AQP6: variants seen among roughly 807,000 people sequenced by gnomAD.
AQP6 encodes the protein aquaporin 6, also known as aquaporin-6.
AQP6 carries 14 observed loss-of-function variants against 16.3 expected under a neutral mutation model. The observed-to-expected ratio is 0.86, with a 90% CI of 0.57 to 1.34. The LOEUF (loss-of-function observed/expected upper bound fraction) is 1.34. AQP6 is among the 40% of genes most tolerant of loss of function. AQP6 has a pLI of 0.00. For missense variants in AQP6, 331 were observed against 379.7 expected (o/e 0.87, Z 1.07); for synonymous variants, 178 against 166.8 (o/e 1.07, Z -0.52).
Position 49,973,280 on chromosome 12 carries a change from T to C in AQP6, c.107T>C (p.Leu36Pro), listed in dbSNP as rs770782793. Residue 36 changes from leucine (L) to proline (P), a missense_variant, in exon 1 of 4, where the codon CTG (leucine) becomes CCG (proline). Physicochemically the swap from Leu to Pro is moderately conservative, Grantham distance 98. Coordinates refer to ENST00000315520, the MANE Select transcript of AQP6 (RefSeq NM_001652.4). Reference sequence around the variant, plus strand: ...TTTGCAGAGTTCCTGGCCACGGGGCTGTATGTGTTCTTTGGCGTGGGCTCA... The same window carrying C: ...TTTGCAGAGTTCCTGGCCACGGGGCCGTATGTGTTCTTTGGCGTGGGCTCA... ...ALFAEFLATGLYVFFGVGSVM... is the reference protein window; with the variant it reads ...ALFAEFLATGPYVFFGVGSVM... 9 of 1,613,820 alleles carry C rather than the reference T, an allele frequency of 5.6e-6. No homozygotes were observed. The highest frequency in any genetic ancestry group is 7.6e-6 in the Non-Finnish European group (9 of 1,180,042).
At position 49,975,344 on chromosome 12, in the gene AQP6, T is replaced by A; in HGVS notation, c.643-121T>A. ...ACTCGTGGTTCTCAAATTTAGCACC[T>A]TACAGACAGTTGAGGGAGACCTGGG... is the stretch of plus-strand genomic sequence containing the variant. On this transcript the variant is annotated intron_variant, in intron 3 of 3. Coordinates refer to ENST00000315520, the MANE Select transcript of AQP6 (RefSeq NM_001652.4). This position sits in a 1 kb window ranked among gnomAD's most constrained non-coding sequence, Gnocchi z 4.4. 6.7e-7 allele frequency: 1 copy of A among 1,486,646 alleles called. No homozygotes were observed. The highest frequency in any genetic ancestry group is 8.9e-7 in the Non-Finnish European group (1 of 1,125,150). 92.1% of individuals were successfully genotyped at this position (1,486,646 alleles called of 1,614,324 possible). A position where few individuals can be genotyped will look rare whatever the true frequency, so the allele number is the denominator to read the frequency against.
Position 49,976,752 on chromosome 12 carries a change from C to T in AQP6, c.*1081C>T, listed in dbSNP as rs1029718290. ...CAGCCCACTCTCAGGCAGGAACAAT[C>T]CTCAGAGGGGAAGTGCCCATCTAGC... On this transcript the variant is annotated 3_prime_UTR_variant, in exon 4 of 4. Coordinates refer to ENST00000315520, the MANE Select transcript of AQP6 (RefSeq NM_001652.4). 3.7e-6 allele frequency: 2 copies of T among 540,234 alleles called. No homozygotes were observed. The highest frequency in any genetic ancestry group is 6.9e-5 in the Admixed American group (2 of 29,056). The allele number at this position is 540,234 out of a possible 1,614,324, so 33.5% of individuals were successfully genotyped here.
At chr12:49,974,651 G>A in intron 2 of AQP6, 95 bp from the exon 3 acceptor site, 1 of 1,507,408 alleles carries the variant, frequency 6.6e-7, no homozygotes, top group Non-Finnish European at 9.1e-7. Context: ...AGAGGCCGTG[G>A]CTGGGGCTAA....
chr12:49,974,425 A>G lies in AQP6; in HGVS notation c.504A>G (p.Thr168=). Residue 168 remains threonine, a synonymous_variant, in exon 2 of 4, where the codon ACA becomes ACG. Transcript: ENST00000315520. ...CVFASTDSRQ[T]SGSPATMIGI... ...TCGCTTCCACCGACAGCCGTCAGAC[A>G]TCAGGCTCCCCGGCCACCATGATTG... The G allele has an allele frequency of 1.2e-6, 2 of 1,613,698 alleles. No individual in the cohort carries two copies. The highest frequency in any genetic ancestry group is 1.7e-6 in the Non-Finnish European group (2 of 1,179,746).
rs1398574092 is a variant in AQP6, at chr12:49,973,006, G to T, written c.-168G>T. The stretch of plus-strand genomic sequence containing the variant: ...CCAGTCTGACCAGCACAGTCCTGGG[G>T]ACAGGAGCGTGGTGGAGGAGCTGCA... On this transcript the variant is annotated 5_prime_UTR_variant, in exon 1 of 4. Transcript: ENST00000315520. 11 of 935,820 alleles carry T rather than the reference G, an allele frequency of 1.2e-5. No individual in the cohort carries two copies. The highest frequency in any genetic ancestry group is 8.9e-5 in the South Asian group (5 of 56,454). The allele number at this position is 935,820 out of a possible 1,614,324, so 58.0% of individuals were successfully genotyped here.
At chr12:49,973,786 G>C in intron 1 of AQP6, 2 of 1,093,300 alleles carry the variant, frequency 1.8e-6, no homozygotes, top group Non-Finnish European at 2.5e-6. Flanking sequence ...GCGAAGAACA[G>C]GTGGAGAAGG....
chr12:49,977,106 A>G lies in AQP6; in HGVS notation c.*1435A>G, dbSNP rs1411326131. 4 of 692,044 alleles carry G rather than the reference A, an allele frequency of 5.8e-6. No individual in the cohort carries two copies. Among genetic ancestry groups the G allele is most frequent in the African/African-American group, 5.3e-5 (3 of 56,504 alleles). The allele number at this position is 692,044 out of a possible 1,614,324, so 42.9% of individuals were successfully genotyped here. ...AAATACTTTCAGAAGTTAAAATGCT[A>G]GAAAAACAACCCCAATAAATGATGA... On this transcript the variant is annotated 3_prime_UTR_variant, in exon 4 of 4. Coordinates refer to ENST00000315520, the MANE Select transcript of AQP6 (RefSeq NM_001652.4).
At position 49,972,953 on chromosome 12, in the gene AQP6, A is replaced by G. The variant is rs140380194; in HGVS notation, c.-221A>G. 8 of 595,554 alleles carry G rather than the reference A, an allele frequency of 1.3e-5. No homozygotes were observed. Among genetic ancestry groups the G allele is most frequent in the Non-Finnish European group, 2.0e-5 (7 of 348,304 alleles). The allele number at this position is 595,554 out of a possible 1,614,324, so 36.9% of individuals were successfully genotyped here. A position where few individuals can be genotyped will look rare whatever the true frequency, so the allele number is the denominator to read the frequency against. On this transcript the variant is annotated 5_prime_UTR_variant, in exon 1 of 4. An upstream start codon of the reference 5' UTR is lost. Transcript: ENST00000315520. ...CACCCCTCATTCCACCCCCATACAC[A>G]TGCATAAGCCCATCCGCCTGCGCCC...
intron 2 of AQP6, 94 bp downstream of exon 2, chr12:49,974,576 G>A: frequency 2.7e-6 from 4 of 1,470,608 alleles, no homozygotes; most frequent in Non-Finnish European, 3.7e-6. Context: ...GTCCCTCCCT[G>A]AGCCCCTCGT....
chr12:49,974,671 C>A, intron 2 of AQP6, 75 bp from the exon 3 acceptor site: 1 of 1,552,932 alleles, frequency 6.4e-7, no homozygotes, highest in Non-Finnish European at 8.8e-7. Flanking sequence ...AGGCTCTGAG[C>A]CAGGACTGAG....
chr12:49,976,901 A>G lies in AQP6; in HGVS notation c.*1230A>G, dbSNP rs1192013234. On this transcript the variant is annotated 3_prime_UTR_variant, in exon 4 of 4. Transcript: ENST00000315520. ...GAACCCAGGAGGGACCCAGGAAACT[A>G]AGATTTGAGATTCAGTGCCTCTGAA... The G allele has an allele frequency of 4.3e-6, 3 of 697,266 alleles. No homozygotes were observed. Among genetic ancestry groups the G allele is most frequent in the Non-Finnish European group, 7.9e-6 (3 of 382,162 alleles). 43.2% of individuals were successfully genotyped at this position (697,266 alleles called of 1,614,324 possible).
chr12:49,973,756 A>G (rs1298083644), intron 1 of AQP6, among the ~76,000 whole-genome samples, 181 bp downstream of exon 1: 4 of 152,212 alleles, frequency 2.6e-5, no homozygotes, highest in African/African-American at 9.6e-5. Context: ...GTCTAGGCAG[A>G]ATAGAAATGG....
intron 2 of AQP6, 27 bp from the exon 3 acceptor site, chr12:49,974,719 C>T: frequency 6.2e-7 from 1 of 1,612,880 alleles, no homozygotes; most frequent in Non-Finnish European, 8.5e-7. Context: ...AACCTTCTCC[C>T]ACCCTGACCC....
At position 49,975,385 on chromosome 12, in the gene AQP6, T is replaced by A; in HGVS notation, c.643-80T>A. 6.6e-7 allele frequency: 1 copy of A among 1,511,616 alleles called. No homozygotes were observed. Among genetic ancestry groups the A allele is most frequent in the Non-Finnish European group, 8.8e-7 (1 of 1,134,258 alleles). The allele number at this position is 1,511,616 out of a possible 1,614,324, so 93.6% of individuals were successfully genotyped here. On this transcript the variant is annotated intron_variant, in intron 3 of 3. Transcript: ENST00000315520. This position sits in a 1 kb window ranked among gnomAD's most constrained non-coding sequence, Gnocchi z 4.4. The stretch of plus-strand genomic sequence containing the variant: ...GAGACCTGGGAGATCAAGTCGGCAC[T>A]GGGGAAGCAGGCAGCGGTCCCAGAG...
rs116856189 is a variant in AQP6, at chr12:49,973,414, G to A, written c.241G>A (p.Ala81Thr). ...CACCTGGAAGGCCAGCGGGGCCCAC[G>A]CCAACCCCGCCGTGACGCTGGCCTT... ...QVTWKASGAH[A>T]NPAVTLAFLV... The change falls in exon 1 of 4, where the codon GCC becomes ACC. Residue 81 changes from alanine to threonine, a missense_variant. By Grantham distance (58) the Ala-to-Thr change is moderately conservative. Coordinates refer to ENST00000315520, the MANE Select transcript of AQP6 (RefSeq NM_001652.4). 6.8e-6 allele frequency: 11 copies of A among 1,612,462 alleles called. No homozygotes were observed. Among genetic ancestry groups the A allele is most frequent in the African/African-American group, 5.3e-5 (4 of 75,074 alleles).
At position 49,975,871 on chromosome 12, in the gene AQP6, T is replaced by C; in HGVS notation, c.*200T>C. ...TGTCCCATTCCCTCTCTGTAGGGCT[T>C]CCCCACCTCTCGGTGGGACAGAGCA... On this transcript the variant is annotated 3_prime_UTR_variant, in exon 4 of 4. Coordinates refer to ENST00000315520, the MANE Select transcript of AQP6 (RefSeq NM_001652.4). This position sits in a 1 kb window ranked among gnomAD's most constrained non-coding sequence, Gnocchi z 4.4. The C allele has an allele frequency of 3.3e-6, 2 of 612,380 alleles. No individual in the cohort carries two copies. The highest frequency in any genetic ancestry group is 4.6e-5 in the South Asian group (1 of 21,860). The allele number at this position is 612,380 out of a possible 1,614,324, so 37.9% of individuals were successfully genotyped here.
intron 2 of AQP6, 81 bp from the exon 3 acceptor site, chr12:49,974,665 T>G (rs1321988748): frequency 1.3e-6 from 2 of 1,542,198 alleles, no homozygotes; most frequent in Admixed American, 3.4e-5. Context: ...GGGCTAAGGC[T>G]CTGAGCCAGG....
chr12:49,975,572 A>C lies in AQP6; in HGVS notation c.750A>C (p.Thr250=). 6.2e-7 allele frequency: 1 copy of C among 1,612,936 alleles called. No individual in the cohort carries two copies. The highest frequency in any genetic ancestry group is 8.5e-7 in the Non-Finnish European group (1 of 1,179,634). ...TGGCGCAGCGGCTGGCTATCCTCAC[A>C]GGCACCGTAGAGGTGGGGACAGGGG... is the stretch of plus-strand genomic sequence containing the variant. ...KTLAQRLAIL[T]GTVEVGTGAG... The change falls in exon 4 of 4, where the codon ACA becomes ACC. Residue 250 remains threonine, a synonymous_variant. Coordinates refer to ENST00000315520, the MANE Select transcript of AQP6 (RefSeq NM_001652.4). This position sits in a 1 kb window ranked among gnomAD's most constrained non-coding sequence, Gnocchi z 4.4.
At position 49,975,102 on chromosome 12, in the gene AQP6, A is replaced by G; in HGVS notation, c.642+276A>G. On this transcript the variant is annotated intron_variant, in intron 3 of 3. Transcript: ENST00000315520. The surrounding 1 kb of genome is among the most constrained non-coding windows in gnomAD (Gnocchi z 4.4). ...CCAATTTTCAAACTTGGATAAAGAA[A>G]AAGACAAACAGAAATAGACACACAC... 6 of 1,333,800 alleles carry G rather than the reference A, an allele frequency of 4.5e-6. No homozygotes were observed. The highest frequency in any genetic ancestry group is 5.7e-6 in the Non-Finnish European group (6 of 1,044,062). The allele number at this position is 1,333,800 out of a possible 1,614,324, so 82.6% of individuals were successfully genotyped here.
Sources: gnomAD v4.1 joint callset for allele counts (sites outside exome capture counted in the v4.1 genomes callset) on GRCh38, gnomAD v4.1.1 for gene constraint, Gnocchi (gnomAD v3.1) non-coding constraint, MANE v1.5 for transcripts, NCBI Gene and HGNC (gene_info 2026-07-23, HGNC 2026-07-21) for gene names.